The following ARHGAP12 variants were observed in gnomAD, a reference collection of about 807,000 sequenced individuals.
ARHGAP12 encodes the protein Rho GTPase activating protein 12.
Under a neutral mutation model 108.6 loss-of-function variants are expected in ARHGAP12, and 64 were observed. The observed-to-expected ratio is 0.59, with a 90% CI of 0.48 to 0.73. The LOEUF (loss-of-function observed/expected upper bound fraction) is 0.73, where lower values mean the gene tolerates loss of function less well. ARHGAP12 is among the 30% of genes least tolerant of loss of function. The pLI, the probability that ARHGAP12 is intolerant of heterozygous loss-of-function variation, is 0.00. For synonymous variants in ARHGAP12, 312 were observed against 337.2 expected (o/e 0.93, Z 0.82); for missense variants, 940 against 1,005.9 (o/e 0.93, Z 0.89).
chr10:31,920,449 C>CAA (rs71027040), intron 1 of ARHGAP12, among the ~76,000 whole-genome samples: 5,886 of 58,676 alleles, frequency 0.1, 645 homozygotes, highest in Non-Finnish European at 0.13. Flanking sequence ...GACTCCGTCT[C>CAA]AAAAAAAAAA....
At chr10:31,894,530 C>A (rs999250370) in intron 3 of ARHGAP12, among the ~76,000 whole-genome samples, 19 of 152,220 alleles carry the variant, frequency 1.2e-4, no homozygotes, top group Admixed American at 1.1e-3. Flanking sequence ...ACCTAGGAAT[C>A]CAACTTACAA....
intron 12 of ARHGAP12, among the ~76,000 whole-genome samples, chr10:31,819,626 C>T (rs138632481): frequency 2.0e-5 from 3 of 152,196 alleles, no homozygotes; most frequent in East Asian, 1.9e-4. Context: ...ATCCTGAGGC[C>T]GTCACTTGAT....
In ARHGAP12 at chr10:31,861,548, A is replaced by T; in HGVS notation, c.795T>A (p.Ile265=). ...GAGTTTCCCATTCTCCATTAATCTG[A>T]ATTGCCGGGCTCCCAGGAAGTGGGG... ...ALPPLPGSPA[I]QINGEWETHK... Residue 265 remains isoleucine, a synonymous_variant, in exon 4 of 20, where the codon ATT becomes ATA. Transcript: ENST00000344936. 6.2e-7 allele frequency: 1 copy of T among 1,614,148 alleles called. No individual in the cohort carries two copies. The highest frequency in any genetic ancestry group is 8.5e-7 in the Non-Finnish European group (1 of 1,180,032).
rs61748334 is a variant in ARHGAP12 at position 31,908,840 on chromosome 10, T to G, written c.16A>C (p.Arg6=). MKMAD[R]SGKIIPGQVY... ...TGTCCTGGAATAATCTTCCCACTTCTGTCAGCCATTTTCATTCAATAATAT... is the reference window on the plus strand; with the variant it reads ...TGTCCTGGAATAATCTTCCCACTTCGGTCAGCCATTTTCATTCAATAATAT... The change falls in exon 3 of 20, where the codon AGA becomes CGA. Residue 6 remains arginine, a synonymous_variant. Transcript: ENST00000344936. 11,764 of 1,591,894 alleles carry G rather than the reference T, an allele frequency of 7.4e-3. 139 individuals carry two copies. Among genetic ancestry groups the G allele is most frequent in the South Asian group, 0.037 (3,298 of 89,222 alleles).
At chr10:31,817,729 TAAA>T in intron 13 of ARHGAP12, 56 bp downstream of exon 13, 8 of 921,492 alleles carry the variant, frequency 8.7e-6, no homozygotes, top group Admixed American at 5.6e-5. Flanking sequence ...AATAAGCAAT[TAAA>T]AAAAAAAAAG....
intron 1 of ARHGAP12, among the ~76,000 whole-genome samples, chr10:31,919,840 C>T (rs180911222): frequency 6.2e-4 from 93 of 151,038 alleles, no homozygotes; most frequent in Admixed American, 2.0e-3. Context: ...AAATATTGGC[C>T]AGGCACGGTG....
At chr10:31,838,748 T>C (rs1836126718) in intron 9 of ARHGAP12, among the ~76,000 whole-genome samples, 1 of 150,388 alleles carries the variant, frequency 6.6e-6, no homozygotes, top group African/African-American at 2.5e-5. Flanking sequence ...GAAGAATCAC[T>C]TGAACCTGGG....
intron 3 of ARHGAP12, among the ~76,000 whole-genome samples, chr10:31,904,170 G>A (rs1275709416): frequency 6.6e-6 from 1 of 152,180 alleles, no homozygotes; most frequent in African/African-American, 2.4e-5. Context: ...AATGTTTACA[G>A]CAGCTTTGTT....
chr10:31,859,894 A>G (rs1286441222), intron 4 of ARHGAP12, among the ~76,000 whole-genome samples: 2 of 151,712 alleles, frequency 1.3e-5, no homozygotes, highest in Admixed American at 6.6e-5. Context: ...TCCCGGGTTC[A>G]AGCGATTCTC....
chr10:31,864,250 G>A (rs1289982983), intron 3 of ARHGAP12, among the ~76,000 whole-genome samples: 2 of 152,058 alleles, frequency 1.3e-5, no homozygotes, highest in East Asian at 3.8e-4. Flanking sequence ...TGATTATCTA[G>A]TCAGTTTCCC....
chr10:31,852,394 T>C, intron 6 of ARHGAP12, 123 bp downstream of exon 6: 4 of 846,024 alleles, frequency 4.7e-6, no homozygotes, highest in Non-Finnish European at 7.8e-6. Flanking sequence ...CAGTGAATTC[T>C]GAAAAAATTA....
intron 1 of ARHGAP12, among the ~76,000 whole-genome samples, chr10:31,918,041 A>G (rs958446095): frequency 1.1e-4 from 17 of 151,868 alleles, no homozygotes; most frequent in African/African-American, 3.9e-4. Context: ...CTGCAGCCTT[A>G]AACTCCTGGG....
chr10:31,820,497 T>C lies in ARHGAP12; in HGVS notation c.1531-9A>G. The C allele has an allele frequency of 6.4e-7, 1 of 1,562,584 alleles. No homozygotes were observed. The highest frequency in any genetic ancestry group is 1.2e-5 in the South Asian group (1 of 81,228). On this transcript the variant is annotated splice_polypyrimidine_tract_variant and intron_variant, in intron 11 of 19. Transcript: ENST00000344936. The stretch of plus-strand genomic sequence containing the variant: ...GACTGATTACTGCCAAACTTCATTT[T>C]TGAAAAAGAAAAAAAACCTTCATGT...
chr10:31,900,547 G>A (rs979421999), intron 3 of ARHGAP12, among the ~76,000 whole-genome samples: 1 of 152,164 alleles, frequency 6.6e-6, no homozygotes, highest in Admixed American at 6.5e-5. Context: ...GCCATGAGAA[G>A]GCATGGATGA....
At chr10:31,863,192 C>A (rs1206015603) in intron 3 of ARHGAP12, among the ~76,000 whole-genome samples, 1 of 152,092 alleles carries the variant, frequency 6.6e-6, no homozygotes, top group African/African-American at 2.4e-5. Flanking sequence ...TATCACTAAA[C>A]AACATCTTTC....
At chr10:31,859,048 A>C (rs1282643884) in intron 4 of ARHGAP12, among the ~76,000 whole-genome samples, 1 of 152,212 alleles carries the variant, frequency 6.6e-6, no homozygotes, top group African/African-American at 2.4e-5. Context: ...CTCCTTCTAC[A>C]TACCTGGCTG....
intron 3 of ARHGAP12, among the ~76,000 whole-genome samples, chr10:31,896,062 G>A (rs1289595707): frequency 6.6e-6 from 1 of 151,860 alleles, no homozygotes; most frequent in Non-Finnish European, 1.5e-5. Flanking sequence ...ACACAGGAAG[G>A]GGAACATCAC....
chr10:31,883,003 A>G (rs1564409650), intron 3 of ARHGAP12, among the ~76,000 whole-genome samples: 1 of 151,708 alleles, frequency 6.6e-6, no homozygotes, highest in Non-Finnish European at 1.5e-5. Flanking sequence ...ATTAAGAAAT[A>G]TCTACTCTTG....
At chr10:31,888,166 A>G (rs536434891) in intron 3 of ARHGAP12, among the ~76,000 whole-genome samples, 1 of 152,294 alleles carries the variant, frequency 6.6e-6, no homozygotes, top group South Asian at 2.1e-4. Context: ...GAAAAAGAGG[A>G]TATGACAGAC....
Sources: allele counts gnomAD v4.1 joint callset (sites outside exome capture counted in the v4.1 genomes callset), GRCh38; gene constraint gnomAD v4.1.1; transcripts MANE v1.5; gene names NCBI Gene and HGNC (gene_info 2026-07-23, HGNC 2026-07-21).